PUM1: variants seen among roughly 807,000 people sequenced by gnomAD.
PUM1 encodes pumilio homolog 1.
PUM1 carries 13 observed loss-of-function variants against 131.8 expected under a neutral mutation model. The ratio of observed to expected loss-of-function variants is 0.10; its 90% CI spans 0.06 to 0.16. The LOEUF (loss-of-function observed/expected upper bound fraction) is 0.16, where lower values mean the gene tolerates loss of function less well. PUM1 is among the 10% of genes least tolerant of loss of function. The pLI is 1.00. For synonymous variants in PUM1, 509 were observed against 556.5 expected, an observed-to-expected ratio of 0.91 and a Z score of 1.20; for missense variants, 961 against 1,512.4, an observed-to-expected ratio of 0.64 and a Z score of 6.05.
At chr1:30,986,928 G>C (rs940846972) in intron 7 of PUM1, among the ~76,000 whole-genome samples, 1 of 152,082 alleles carries the variant, frequency 6.6e-6, no homozygotes, top group Non-Finnish European at 1.5e-5. Flanking sequence ...AACACATGCC[G>C]ATTTCCACTC....
At chr1:31,015,676 CTTTTTTTTTT>C (rs568144593) in intron 3 of PUM1, among the ~76,000 whole-genome samples, 2 of 119,246 alleles carry the variant, frequency 1.7e-5, no homozygotes, top group Non-Finnish European at 3.6e-5. Context: ...CTTTTTTTTT[CTTTTTTTTTT>C]TTTTGAGATG....
In PUM1 at chr1:31,038,984, A is replaced by ATATATATTTTTTTTTT; in HGVS notation, c.364-10121_364-10120insAAAAAAAAAATATATA. 2.2e-4 allele frequency among the ~76,000 whole-genome samples: 11 copies of ATATATATTTTTTTTTT among 49,418 alleles called. 1 individual carries two copies. Among genetic ancestry groups the ATATATATTTTTTTTTT allele is most frequent in the South Asian group, 1.6e-3 (2 of 1,220 alleles). 32.4% of individuals were successfully genotyped at this position (49,418 alleles called of 152,430 possible). Reference sequence around the variant, plus strand: ...TATATATATATATATATATATATATATTTTTTTTTTTTTTTTCCTTTTCTC... The same window carrying ATATATATTTTTTTTTT: ...TATATATATATATATATATATATATATATATATTTTTTTTTTTTTTTTTTTTTTTTTTCCTTTTCTC... On this transcript the variant is annotated intron_variant, in intron 2 of 21. Transcript: ENST00000426105.
intron 18 of PUM1, among the ~76,000 whole-genome samples, chr1:30,944,811 T>C (rs1261201998): frequency 1.1e-4 from 16 of 152,262 alleles, no homozygotes. Context: ...ACTCTTATGA[T>C]GGTGTTTCAT....
intron 2 of PUM1, among the ~76,000 whole-genome samples, chr1:31,038,022 T>C (rs1464268592): frequency 6.8e-6 from 1 of 148,112 alleles, no homozygotes; most frequent in Non-Finnish European, 1.5e-5. Flanking sequence ...GAAGTTGCAG[T>C]GAGCCGAGAT....
chr1:30,957,755 C>A (rs368869398), intron 14 of PUM1, among the ~76,000 whole-genome samples: 9 of 152,224 alleles, frequency 5.9e-5, no homozygotes, highest in African/African-American at 1.9e-4. Context: ...GCCTAATGGG[C>A]AAAGCCCTGC....
chr1:30,955,231 C>T (rs959218437), intron 14 of PUM1, among the ~76,000 whole-genome samples: 1 of 150,412 alleles, frequency 6.6e-6, no homozygotes, highest in East Asian at 2.0e-4. Context: ...TGAGACGGGC[C>T]GATCACAAGG....
At chr1:31,009,323 GAAGA>G (rs781327656) in intron 3 of PUM1, among the ~76,000 whole-genome samples, 25 of 152,030 alleles carry the variant, frequency 1.6e-4, no homozygotes, top group Non-Finnish European at 3.1e-4. Flanking sequence ...TTGTATTCCA[GAAGA>G]AAGAATGTCA....
At chr1:31,011,894 G>A (rs533066159) in intron 3 of PUM1, among the ~76,000 whole-genome samples, 2 of 152,256 alleles carry the variant, frequency 1.3e-5, no homozygotes, top group East Asian at 3.9e-4. Context: ...AATTCCAAAA[G>A]AAGATAACAG....
intron 3 of PUM1, among the ~76,000 whole-genome samples, chr1:31,027,757 A>G (rs1001868397): frequency 4.6e-5 from 7 of 152,236 alleles, no homozygotes; most frequent in African/African-American, 1.7e-4. Flanking sequence ...CAAACTCAGA[A>G]GAGTAATTAT....
chr1:30,979,232 G>C (rs969947462), intron 9 of PUM1, among the ~76,000 whole-genome samples: 1 of 151,968 alleles, frequency 6.6e-6, no homozygotes, highest in African/African-American at 2.4e-5. Context: ...CACAGGCAAA[G>C]AATGGGAAAA....
intron 10 of PUM1, among the ~76,000 whole-genome samples, chr1:30,971,776 C>T (rs527240878): frequency 1.3e-4 from 20 of 152,302 alleles, no homozygotes; most frequent in African/African-American, 4.1e-4. Flanking sequence ...ACATGTACAG[C>T]ACTTAACTCT....
At chr1:31,060,892 A>T (rs1488833866) in intron 1 of PUM1, among the ~76,000 whole-genome samples, 1 of 151,330 alleles carries the variant, frequency 6.6e-6, no homozygotes, top group African/African-American at 2.4e-5. Context: ...TTTCAGTAAA[A>T]AAAAAAAAAA....
intron 3 of PUM1, among the ~76,000 whole-genome samples, chr1:31,009,782 A>AAAAAAAAAAC (rs375044466): frequency 4.5e-4 from 56 of 125,344 alleles, no homozygotes; most frequent in African/African-American, 6.2e-4. Context: ...AAAAAAAAAA[A>AAAAAAAAAAC]AAAAACAAAA....
intron 2 of PUM1, among the ~76,000 whole-genome samples, chr1:31,044,094 G>T (rs776494861): frequency 3.3e-5 from 5 of 152,042 alleles, no homozygotes; most frequent in Non-Finnish European, 7.4e-5. Context: ...TCTATACAAT[G>T]AAATATTATA....
intron 2 of PUM1, among the ~76,000 whole-genome samples, chr1:31,033,626 A>T (rs1643512573): frequency 6.6e-6 from 1 of 151,966 alleles, no homozygotes; most frequent in Non-Finnish European, 1.5e-5. Context: ...ATGGCCTCCT[A>T]AAGTGCTGGG....
intron 14 of PUM1, among the ~76,000 whole-genome samples, chr1:30,957,093 C>T (rs1640200078): frequency 2.2e-5 from 3 of 135,062 alleles, no homozygotes; most frequent in Admixed American, 1.6e-4. Flanking sequence ...TTCATACACA[C>T]ACACACACAC....
intron 2 of PUM1, among the ~76,000 whole-genome samples, chr1:31,057,207 G>C (rs1644260493): frequency 6.6e-6 from 1 of 152,118 alleles, no homozygotes; most frequent in East Asian, 1.9e-4. Flanking sequence ...GCTCAAAGTA[G>C]AGCCTGGCCA....
chr1:31,036,463 G>C (rs1643615426), intron 2 of PUM1, among the ~76,000 whole-genome samples: 1 of 152,158 alleles, frequency 6.6e-6, no homozygotes, highest in African/African-American at 2.4e-5. Flanking sequence ...TACATGGCCA[G>C]TACTTTCGAG....
chr1:31,008,302 T>A (rs1451924479), intron 3 of PUM1, among the ~76,000 whole-genome samples: 1 of 152,140 alleles, frequency 6.6e-6, no homozygotes, highest in Non-Finnish European at 1.5e-5. Context: ...CTATAATCTA[T>A]CTCATGGACT....
Sources: allele counts gnomAD v4.1 joint callset (sites outside exome capture counted in the v4.1 genomes callset), GRCh38; gene constraint gnomAD v4.1.1; transcripts MANE v1.5; gene names NCBI Gene and HGNC (gene_info 2026-07-23, HGNC 2026-07-21).